Variants in RPH3A observed in about 807,000 individuals in gnomAD.
The protein encoded by RPH3A is rabphilin-3A.
RPH3A carries 48 observed loss-of-function variants against 102.2 expected under a neutral mutation model. The ratio of observed to expected loss-of-function variants is 0.47; its 90% confidence interval spans 0.37 to 0.60. The LOEUF is 0.60. RPH3A is among the 20% of genes least tolerant of loss of function. The pLI is 0.00. For synonymous variants in RPH3A, 310 were observed against 324.3 expected, an observed-to-expected ratio of 0.96 and a Z score of 0.47; for missense variants, 781 against 910.1, an observed-to-expected ratio of 0.86 and a Z score of 1.83.
At position 112,898,363 on chromosome 12, in the gene RPH3A, A is replaced by G. The variant is rs1287817294; in HGVS notation, c.*1583A>G. ...TCCCTCATGAAAATCACTCCCAGTCATCCCAAACCCCTGACATTCTCTACA... is the reference window on the plus strand; with the variant it reads ...TCCCTCATGAAAATCACTCCCAGTCGTCCCAAACCCCTGACATTCTCTACA... On this transcript the variant is annotated 3_prime_UTR_variant, in exon 22 of 22. Coordinates refer to ENST00000389385, the MANE Select transcript of RPH3A (RefSeq NM_001143854.2). 3 of 152,172 alleles carry G rather than the reference A, an allele frequency of 2.0e-5. No individual in the cohort carries two copies. Among genetic ancestry groups the G allele is most frequent in the Non-Finnish European group, 4.4e-5 (3 of 68,044 alleles). The allele number at this position is 152,172 out of a possible 1,614,324, so 9.4% of individuals were successfully genotyped here. A position where few individuals can be genotyped will look rare whatever the true frequency, so the allele number is the denominator to read the frequency against.
chr12:112,679,352 A>G (rs1009251656), intron 1 of RPH3A, among the ~76,000 whole-genome samples: 3 of 151,838 alleles, frequency 2.0e-5, no homozygotes, highest in African/African-American at 7.3e-5. Context: ...ATGGGGTTTC[A>G]CCATGTTAGT....
At chr12:112,657,818 G>C (rs549142157) in intron 1 of RPH3A, among the ~76,000 whole-genome samples, 3 of 152,196 alleles carry the variant, frequency 2.0e-5, no homozygotes, top group Non-Finnish European at 4.4e-5. Context: ...GAGATGATGG[G>C]TGTTGTGATT....
At chr12:112,797,585 G>C (rs2136097323) in intron 2 of RPH3A, among the ~76,000 whole-genome samples, 1 of 152,232 alleles carries the variant, frequency 6.6e-6, no homozygotes, top group Non-Finnish European at 1.5e-5. Context: ...CAGGACCCCA[G>C]GACTCAGTTT....
At chr12:112,772,823 G>A (rs931387246) in intron 1 of RPH3A, among the ~76,000 whole-genome samples, 2 of 151,626 alleles carry the variant, frequency 1.3e-5, no homozygotes, top group African/African-American at 4.8e-5. Flanking sequence ...TGAGATTTTG[G>A]TTCACTCATC....
In RPH3A at chr12:112,646,486, T is replaced by A. The variant is rs542954422; in HGVS notation, c.-140+71167T>A. Among the ~76,000 whole-genome samples the A allele has an allele frequency of 6.6e-5, 10 of 152,270 alleles. No individual in the cohort carries two copies. The South Asian group carries it at 1.5e-3, about 22-fold the overall frequency. The stretch of plus-strand genomic sequence containing the variant: ...CAGACGTCCACTCACATCTCACAGG[T>A]TGTGGGTCTTCAGGGACCCTGGAAG... On this transcript the variant is annotated intron_variant, in intron 1 of 21. Coordinates refer to the RPH3A transcript ENST00000543106.
Position 112,897,338 on chromosome 12 carries a change from C to G in RPH3A, c.*558C>G, listed in dbSNP as rs2043198033. ...GAAAACAGACTGCTGTGTTCAGTAA[C>G]ACACCCTCCCTGCTCCAAGTGCACC... is the stretch of plus-strand genomic sequence containing the variant. On this transcript the variant is annotated 3_prime_UTR_variant, in exon 22 of 22. Coordinates refer to ENST00000389385, the MANE Select transcript of RPH3A (RefSeq NM_001143854.2). 6.5e-6 allele frequency: 1 copy of G among 153,530 alleles called. No individual in the cohort carries two copies. The highest frequency in any genetic ancestry group is 1.9e-4 in the East Asian group (1 of 5,212). The allele number at this position is 153,530 out of a possible 1,614,324, so 9.5% of individuals were successfully genotyped here.
At chr12:112,876,087 G>A (rs1245599986) in intron 12 of RPH3A, among the ~76,000 whole-genome samples, 4 of 152,118 alleles carry the variant, frequency 2.6e-5, no homozygotes, top group Admixed American at 2.6e-4. Flanking sequence ...AGAATTGTTG[G>A]GAGGATTAAA....
At chr12:112,679,239 T>C (rs940045369) in intron 1 of RPH3A, among the ~76,000 whole-genome samples, 5 of 150,766 alleles carry the variant, frequency 3.3e-5, no homozygotes, top group African/African-American at 4.9e-5. Flanking sequence ...CTGCAACCTC[T>C]GCCTCCTGGG....
chr12:112,706,928 T>C (rs73419270), intron 1 of RPH3A, among the ~76,000 whole-genome samples: 4,778 of 152,128 alleles, frequency 0.031, 276 homozygotes, highest in African/African-American at 0.11. Context: ...GTCCCTTGAT[T>C]TGGGGAAGCT....
intron 1 of RPH3A, among the ~76,000 whole-genome samples, chr12:112,656,541 A>G (rs752396126): frequency 1.3e-5 from 2 of 152,138 alleles, no homozygotes; most frequent in Non-Finnish European, 2.9e-5. Context: ...ATTGTACCCA[A>G]CAGGTAATTT....
At chr12:112,798,325 A>C (rs2041274052) in intron 2 of RPH3A, among the ~76,000 whole-genome samples, 1 of 152,102 alleles carries the variant, frequency 6.6e-6, no homozygotes. Flanking sequence ...TTAGAGAGCG[A>C]GGGGGGGAAA....
In RPH3A at chr12:112,780,980, C is replaced by T. The variant is rs190877432; in HGVS notation, c.-139-11163C>T. ...ACCAGCCTGGCCAACATGGTGAAAC[C>T]CTGTCTCTACTATTAAAATAAATCA... On this transcript the variant is annotated intron_variant, in intron 1 of 21. Transcript: ENST00000543106. Among the ~76,000 whole-genome samples, 23 of 152,098 alleles carry T rather than the reference C, an allele frequency of 1.5e-4. No homozygotes were observed. The East Asian group carries it at 4.2e-3, about 28-fold the overall frequency.
intron 1 of RPH3A, among the ~76,000 whole-genome samples, chr12:112,644,023 C>G (rs1046000306): frequency 6.6e-6 from 1 of 152,182 alleles, no homozygotes; most frequent in African/African-American, 2.4e-5. Context: ...AGGCCATTAT[C>G]TTAAGTGAAA....
At chr12:112,575,571 C>G (rs2039352828) in intron 1 of RPH3A, among the ~76,000 whole-genome samples, 1 of 152,056 alleles carries the variant, frequency 6.6e-6, no homozygotes, top group Non-Finnish European at 1.5e-5. Flanking sequence ...GCAAGGCCCC[C>G]CAAAGTGGCT....
At chr12:112,895,982 C>CTGT (rs1362390716) in intron 21 of RPH3A, 109 bp downstream of exon 21, 1 of 724,784 alleles carries the variant, frequency 1.4e-6, no homozygotes, top group African/African-American at 1.7e-5. Flanking sequence ...TTTTGGCAAC[C>CTGT]TCATTGTTCA....
chr12:112,830,025 A>C (rs1437861349), intron 3 of RPH3A, among the ~76,000 whole-genome samples: 2 of 152,140 alleles, frequency 1.3e-5, no homozygotes, highest in East Asian at 3.8e-4. Context: ...CCTGTCATTT[A>C]CTGTCTGATT....
At chr12:112,731,648 C>T (rs1246449451) in intron 1 of RPH3A, among the ~76,000 whole-genome samples, 1 of 152,142 alleles carries the variant, frequency 6.6e-6, no homozygotes, top group African/African-American at 2.4e-5. Flanking sequence ...CAGTTTGTGC[C>T]ATCTCGTCCT....
intron 1 of RPH3A, among the ~76,000 whole-genome samples, chr12:112,700,667 G>C (rs1054366815): frequency 6.6e-6 from 1 of 152,046 alleles, no homozygotes; most frequent in African/African-American, 2.4e-5. Context: ...TTTTGCATTT[G>C]ACATGATTGA....
At chr12:112,654,916 G>T (rs989568284) in intron 1 of RPH3A, among the ~76,000 whole-genome samples, 36 of 152,176 alleles carry the variant, frequency 2.4e-4, no homozygotes, top group Non-Finnish European at 8.8e-5. Flanking sequence ...ATCGTGAAAG[G>T]CTTGTTCTTC....
Sources: allele counts gnomAD v4.1 joint callset (sites outside exome capture counted in the v4.1 genomes callset), GRCh38; gene constraint gnomAD v4.1.1; transcripts MANE v1.5; gene names NCBI Gene and HGNC (gene_info 2026-07-23, HGNC 2026-07-21).